Variants in PLD5 observed in about 807,000 individuals in gnomAD.
The protein encoded by PLD5 is phospholipase D family member 5.
PLD5 carries 36 observed loss-of-function variants against 61.1 expected under a neutral mutation model. The observed-to-expected ratio is 0.59, with a 90% CI of 0.45 to 0.78. PLD5 has a LOEUF of 0.78. Among genes scored for constraint, PLD5 ranks in the 30% least tolerant of loss-of-function variants. The pLI, the probability that PLD5 is intolerant of heterozygous loss-of-function variation, is 0.00. For synonymous variants in PLD5, 243 were observed against 242.8 expected (o/e 1.00, Z -0.01); for missense variants, 515 against 644.4 (o/e 0.80, Z 2.17).
At chr1:242,170,291 CAG>C (rs1666653466) in intron 5 of PLD5, among the ~76,000 whole-genome samples, 1 of 152,194 alleles carries the variant, frequency 6.6e-6, no homozygotes, top group Admixed American at 6.5e-5. Flanking sequence ...CCTAGGCAAA[CAG>C]GGTCTGGAGT....
intron 1 of PLD5, among the ~76,000 whole-genome samples, chr1:242,372,647 C>G (rs981959528): frequency 2.6e-5 from 4 of 152,160 alleles, no homozygotes; most frequent in African/African-American, 9.7e-5. Context: ...CACACATGTA[C>G]AACCATCTGA....
At position 242,377,084 on chromosome 1, in the gene PLD5, G is replaced by C. The variant is rs1029307352; in HGVS notation, c.190-28842C>G. On this transcript the variant is annotated intron_variant, in intron 1 of 9. Transcript: ENST00000536534. ...GGGAGTCATCCTCGTGGCTGGGTTTGTTCTCCTGTTGGTTATCTTCCCCAG... is the reference window on the plus strand; with the variant it reads ...GGGAGTCATCCTCGTGGCTGGGTTTCTTCTCCTGTTGGTTATCTTCCCCAG... The C allele has an allele frequency of 2.9e-5, 46 of 1,611,596 alleles. No individual in the cohort carries two copies. The African/African-American group carries it at 4.7e-4, about 16-fold the overall frequency.
intron 5 of PLD5, among the ~76,000 whole-genome samples, chr1:242,128,525 G>C (rs181061721): frequency 6.6e-6 from 1 of 152,180 alleles, no homozygotes; most frequent in East Asian, 1.9e-4. Context: ...AGTAGTCACA[G>C]CACGTTCAGG....
chr1:242,408,879 C>A (rs923426547), intron 1 of PLD5, among the ~76,000 whole-genome samples: 1 of 151,958 alleles, frequency 6.6e-6, no homozygotes, highest in African/African-American at 2.4e-5. Context: ...CCAGCCTGGC[C>A]AACATGGTGA....
chr1:242,242,164 T>C (rs557801002), intron 4 of PLD5, among the ~76,000 whole-genome samples: 4 of 151,880 alleles, frequency 2.6e-5, no homozygotes, highest in African/African-American at 9.7e-5. Flanking sequence ...AAGAATGCAA[T>C]AAACATTTGT....
chr1:242,179,134 T>A (rs1667357699), intron 5 of PLD5, among the ~76,000 whole-genome samples: 1 of 152,090 alleles, frequency 6.6e-6, no homozygotes, highest in South Asian at 2.1e-4. Flanking sequence ...GTGGCATGAG[T>A]GGGGCAATTA....
At chr1:242,210,727 C>T (rs1247166552) in intron 5 of PLD5, 1 of 152,116 alleles carries the variant, frequency 6.6e-6, no homozygotes, top group East Asian at 1.9e-4. Context: ...CTTTACCTAC[C>T]CAAATCTTAT....
At chr1:242,154,182 G>T (rs1574406909) in intron 5 of PLD5, among the ~76,000 whole-genome samples, 1 of 152,098 alleles carries the variant, frequency 6.6e-6, no homozygotes, top group East Asian at 1.9e-4. Flanking sequence ...TGTGATTTTT[G>T]CACATTAATT....
intron 1 of PLD5, among the ~76,000 whole-genome samples, chr1:242,495,510 G>A (rs1668342054): frequency 6.6e-6 from 1 of 152,038 alleles, no homozygotes; most frequent in Non-Finnish European, 1.5e-5. Flanking sequence ...TCTAAAATTA[G>A]CAAGGAAATA....
At chr1:242,180,062 CAT>C (rs1361841656) in intron 5 of PLD5, among the ~76,000 whole-genome samples, 1 of 152,170 alleles carries the variant, frequency 6.6e-6, no homozygotes, top group African/African-American at 2.4e-5. Context: ...TTTATTTAAA[CAT>C]AGCAGGGTAA....
intron 1 of PLD5, among the ~76,000 whole-genome samples, chr1:242,491,240 C>G (rs535089890): frequency 3.3e-5 from 5 of 152,330 alleles, no homozygotes; most frequent in African/African-American, 1.2e-4. Flanking sequence ...ATTCACTAAT[C>G]TCTTTCAAGT....
intron 5 of PLD5, among the ~76,000 whole-genome samples, chr1:242,131,454 T>C (rs1320752073): frequency 6.6e-6 from 1 of 152,162 alleles, no homozygotes; most frequent in Non-Finnish European, 1.5e-5. Context: ...TGTGGTCGAT[T>C]GATAACAAGA....
intron 1 of PLD5, among the ~76,000 whole-genome samples, chr1:242,454,301 T>C (rs1406498451): frequency 3.4e-5 from 5 of 146,558 alleles, no homozygotes; most frequent in African/African-American, 5.0e-5. Context: ...CATTGCACTC[T>C]AGCCTGGGCA....
chr1:242,383,138 G>A (rs1353504501), intron 1 of PLD5, among the ~76,000 whole-genome samples: 1 of 152,102 alleles, frequency 6.6e-6, no homozygotes, highest in African/African-American at 2.4e-5. Context: ...AGTTCTGAGA[G>A]TCCCACGTTT....
chr1:242,281,528 T>TACAC (rs61274434), intron 3 of PLD5, among the ~76,000 whole-genome samples: 2 of 151,816 alleles, frequency 1.3e-5, no homozygotes, highest in Non-Finnish European at 2.9e-5. Context: ...GAGGGAGATA[T>TACAC]ACACACACAC....
At chr1:242,363,587 C>T (rs1047983732) in intron 1 of PLD5, among the ~76,000 whole-genome samples, 5 of 151,180 alleles carry the variant, frequency 3.3e-5, no homozygotes, top group African/African-American at 1.2e-4. Context: ...AAATTCACAA[C>T]CTCTGGCATC....
At chr1:242,267,849 C>T (rs1673787789) in intron 3 of PLD5, among the ~76,000 whole-genome samples, 1 of 147,950 alleles carries the variant, frequency 6.8e-6, no homozygotes, top group Non-Finnish European at 1.5e-5. Context: ...CCACTGCACA[C>T]CAGCCTGGGC....
At chr1:242,524,805 A>AGCCGCC (rs914309270), upstream of PLD5, 1 of 148,884 alleles carries the variant, frequency 6.7e-6, no homozygotes, top group Non-Finnish European at 1.5e-5. Context: ...TGCAGTGAGG[A>AGCCGCC]GCCGCCGCCG....
At chr1:242,476,853 T>C (rs953557605) in intron 1 of PLD5, among the ~76,000 whole-genome samples, 7 of 152,162 alleles carry the variant, frequency 4.6e-5, no homozygotes, top group African/African-American at 1.4e-4. Context: ...AGTTCACACA[T>C]ACACAGGGAG....
Sources: gnomAD v4.1 joint callset for allele counts (sites outside exome capture counted in the v4.1 genomes callset) on GRCh38, gnomAD v4.1.1 for gene constraint, MANE v1.5 for transcripts, NCBI Gene and HGNC (gene_info 2026-07-23, HGNC 2026-07-21) for gene names.